The following EIF3H variants were observed in gnomAD, a reference collection of about 807,000 sequenced individuals.
The protein encoded by EIF3H is eIF-3-gamma.
In EIF3H, 26 loss-of-function variants were observed where a neutral mutation model predicts 44.2. The observed-to-expected ratio is 0.59, with a 90% CI of 0.43 to 0.82. The LOEUF is 0.82. EIF3H is among the 40% of genes least tolerant of loss of function. The pLI, the probability that EIF3H is intolerant of heterozygous loss-of-function variation, is 0.00. For missense variants in EIF3H, 359 were observed against 432.8 expected (o/e 0.83, Z 1.51); for synonymous variants, 166 against 151.9 (o/e 1.09, Z -0.68).
chr8:116,707,012 G>A (rs1814482747), intron 2 of EIF3H, among the ~76,000 whole-genome samples: 1 of 152,152 alleles, frequency 6.6e-6, no homozygotes, highest in African/African-American at 2.4e-5. Context: ...ATAAGTTGAG[G>A]AGCACTTGTA....
chr8:116,703,378 A>G (rs767546246), intron 2 of EIF3H, among the ~76,000 whole-genome samples: 2 of 151,446 alleles, frequency 1.3e-5, no homozygotes, highest in African/African-American at 4.9e-5. Context: ...TCCCCGGGGG[A>G]GTTAGAGAAG....
chr8:116,699,808 T>TTTTTG (rs559046856), intron 2 of EIF3H, among the ~76,000 whole-genome samples: 18 of 152,150 alleles, frequency 1.2e-4, no homozygotes, highest in Non-Finnish European at 2.4e-4. Context: ...TTTTGGTTTT[T>TTTTTG]TTTGTTTGTT....
intron 2 of EIF3H, among the ~76,000 whole-genome samples, chr8:116,677,135 C>T (rs767949722): frequency 6.6e-6 from 1 of 152,038 alleles, no homozygotes; most frequent in Admixed American, 6.5e-5. Flanking sequence ...CTGTGTATGA[C>T]GGTCTCTATA....
chr8:116,748,422 A>G (rs1815274794), intron 1 of EIF3H, among the ~76,000 whole-genome samples: 1 of 152,252 alleles, frequency 6.6e-6, no homozygotes, highest in Non-Finnish European at 1.5e-5. Flanking sequence ...GAAATCAACA[A>G]ATAAAAAGAT....
chr8:116,721,000 C>G (rs920605809), intron 2 of EIF3H, among the ~76,000 whole-genome samples: 1 of 152,038 alleles, frequency 6.6e-6, no homozygotes, highest in Non-Finnish European at 1.5e-5. Context: ...AGGAGAAATT[C>G]AAGCAGAAAT....
chr8:116,741,685 T>C (rs1037696864), intron 1 of EIF3H, among the ~76,000 whole-genome samples: 1 of 152,224 alleles, frequency 6.6e-6, no homozygotes, highest in Non-Finnish European at 1.5e-5. Context: ...TCAATCACCG[T>C]CAAAGAACAG....
At chr8:116,758,770 G>T (rs1815485773), upstream of EIF3H, among the ~76,000 whole-genome samples, 1 of 152,108 alleles carries the variant, frequency 6.6e-6, no homozygotes, top group Non-Finnish European at 1.5e-5. Flanking sequence ...TTAATCCACA[G>T]ATCAAAGAGG....
At chr8:116,658,056 T>C (rs1813521843) in intron 3 of EIF3H, among the ~76,000 whole-genome samples, 1 of 152,232 alleles carries the variant, frequency 6.6e-6, no homozygotes, top group Non-Finnish European at 1.5e-5. Context: ...GGAAAATTCA[T>C]CAAGGTCTGA....
At chr8:116,762,981 A>C (rs1487646647) in intron 1 of EIF3H, among the ~76,000 whole-genome samples, 1 of 152,200 alleles carries the variant, frequency 6.6e-6, no homozygotes, top group Non-Finnish European at 1.5e-5. Context: ...TGGGGAATGG[A>C]TTTGCTTATC....
intron 1 of EIF3H, among the ~76,000 whole-genome samples, chr8:116,740,528 T>G (rs1313224508): frequency 6.6e-6 from 1 of 152,138 alleles, no homozygotes; most frequent in Non-Finnish European, 1.5e-5. Flanking sequence ...AGGGCCCACT[T>G]TGAATCACAA....
At chr8:116,665,316 T>C (rs1467274431) in intron 2 of EIF3H, among the ~76,000 whole-genome samples, 1 of 152,202 alleles carries the variant, frequency 6.6e-6, no homozygotes, top group Non-Finnish European at 1.5e-5. Context: ...TTTTAAATAC[T>C]ACAGTTGATA....
At chr8:116,761,460 C>T (rs768967624) in intron 1 of EIF3H, among the ~76,000 whole-genome samples, 5 of 152,084 alleles carry the variant, frequency 3.3e-5, no homozygotes, top group African/African-American at 1.2e-4. Flanking sequence ...TGCAGTGAGG[C>T]GAGATTGCAC....
intron 2 of EIF3H, among the ~76,000 whole-genome samples, chr8:116,700,973 T>C (rs966996316): frequency 2.6e-5 from 4 of 152,192 alleles, no homozygotes; most frequent in African/African-American, 9.7e-5. Flanking sequence ...CTGGTCTAAA[T>C]TTATATTGTT....
At chr8:116,706,560 G>C (rs1225913424) in intron 2 of EIF3H, among the ~76,000 whole-genome samples, 2 of 151,820 alleles carry the variant, frequency 1.3e-5, no homozygotes, top group African/African-American at 2.4e-5. Flanking sequence ...TTAGAGACTG[G>C]GTCTCACTCT....
chr8:116,648,683 T>C (rs1208479058), intron 6 of EIF3H, 123 bp downstream of exon 6: 2 of 1,174,486 alleles, frequency 1.7e-6, no homozygotes, highest in Non-Finnish European at 2.2e-6. Flanking sequence ...CTTTTAAAAA[T>C]ATAATATAGA....
chr8:116,746,695 C>T (rs745718982), intron 1 of EIF3H, among the ~76,000 whole-genome samples: 4 of 152,142 alleles, frequency 2.6e-5, no homozygotes, highest in African/African-American at 9.7e-5. Flanking sequence ...ATAATGTACG[C>T]TAAATGATTT....
intron 7 of EIF3H, 142 bp from the exon 8 acceptor site, chr8:116,645,245 A>C: frequency 1.5e-6 from 1 of 651,036 alleles, no homozygotes; most frequent in East Asian, 2.7e-5. Context: ...TCCATAAGGG[A>C]TAAGAAATAC....
At chr8:116,645,742 ATTTG>A (rs1215984438) in intron 7 of EIF3H, among the ~76,000 whole-genome samples, 2 of 152,214 alleles carry the variant, frequency 1.3e-5, no homozygotes, top group African/African-American at 4.8e-5. Context: ...TCCAAATTTA[ATTTG>A]TATGTACACT....
chr8:116,745,014 G>T (rs1217139327), intron 1 of EIF3H, among the ~76,000 whole-genome samples: 2 of 152,184 alleles, frequency 1.3e-5, no homozygotes, highest in Admixed American at 1.3e-4. Context: ...AACCAATGAA[G>T]TCCAAGATAT....
Sources: gnomAD v4.1 joint callset for allele counts (sites outside exome capture counted in the v4.1 genomes callset) on GRCh38, gnomAD v4.1.1 for gene constraint, MANE v1.5 for transcripts, NCBI Gene and HGNC (gene_info 2026-07-23, HGNC 2026-07-21) for gene names.